NCAM1: variants seen among roughly 807,000 people sequenced by gnomAD.
The protein encoded by NCAM1 is neural cell adhesion molecule 1, also known as antigen recognized by monoclonal antibody 5.1H11.
Under a neutral mutation model 109.8 loss-of-function variants are expected in NCAM1, and 14 were observed. The observed-to-expected ratio is 0.13, with a 90% confidence interval of 0.08 to 0.20. NCAM1 has a LOEUF of 0.20. Among genes scored for constraint, NCAM1 ranks in the 10% least tolerant of loss-of-function variants. The pLI, the probability that NCAM1 is intolerant of heterozygous loss-of-function variation, is 1.00. For missense variants in NCAM1, 774 were observed against 1,109.9 expected (o/e 0.70, Z 4.30); for synonymous variants, 418 against 442.9 (o/e 0.94, Z 0.70).
At chr11:113,050,141 G>T (rs1330128280) in intron 1 of NCAM1, among the ~76,000 whole-genome samples, 5 of 138,918 alleles carry the variant, frequency 3.6e-5, no homozygotes, top group Admixed American at 1.4e-4. Context: ...AACAGAGGGT[G>T]GGGGGGAATG....
intron 17 of NCAM1, among the ~76,000 whole-genome samples, chr11:113,268,981 C>A (rs1354378870): frequency 2.0e-5 from 3 of 152,188 alleles, no homozygotes; most frequent in Admixed American, 2.0e-4. Flanking sequence ...TGGGGCAGGG[C>A]TGCCAGTTAT....
chr11:113,216,192 A>G (rs1591426944), intron 8 of NCAM1, among the ~76,000 whole-genome samples: 1 of 122,458 alleles, frequency 8.2e-6, no homozygotes, highest in African/African-American at 3.3e-5. Flanking sequence ...GCTGTCGCCC[A>G]GGCTGGAGTG....
intron 1 of NCAM1, among the ~76,000 whole-genome samples, chr11:113,088,825 A>C (rs1229776389): frequency 2.0e-5 from 3 of 152,186 alleles, no homozygotes; most frequent in African/African-American, 7.2e-5. Flanking sequence ...CATTTTTCAT[A>C]AGTAGATTAT....
intron 1 of NCAM1, among the ~76,000 whole-genome samples, chr11:112,989,603 C>A (rs1951404511): frequency 6.6e-6 from 1 of 152,102 alleles, no homozygotes. Context: ...CTCTTTCAAG[C>A]AGTTATTAGA....
intron 1 of NCAM1, among the ~76,000 whole-genome samples, chr11:113,018,233 A>T (rs895642886): frequency 6.6e-6 from 1 of 152,118 alleles, no homozygotes; most frequent in Non-Finnish European, 1.5e-5. Context: ...ATCATTTTCA[A>T]GTATACAGTC....
chr11:113,253,000 C>T (rs1945731632), intron 15 of NCAM1, among the ~76,000 whole-genome samples: 4 of 151,822 alleles, frequency 2.6e-5, no homozygotes, highest in South Asian at 2.1e-4. Context: ...GAAAATAATA[C>T]ACACATATCA....
At position 112,963,677 on chromosome 11, in the gene NCAM1, G is replaced by C. The variant is rs1950638613; in HGVS notation, c.52+2013G>C. ...GGCGGGGGAAGGGGGGTGTTTTTGA[G>C]ACATCCTCGCCCCCGGGTGGGAGCG... On this transcript the variant is annotated intron_variant, in intron 1 of 19. Transcript: ENST00000316851. This position sits in a 1 kb window ranked among gnomAD's most constrained non-coding sequence, Gnocchi z 4.6. Among the ~76,000 whole-genome samples, 1 of 152,220 alleles carries C rather than the reference G, an allele frequency of 6.6e-6. No individual in the cohort carries two copies. The highest frequency in any genetic ancestry group is 2.1e-4 in the South Asian group (1 of 4,830).
At chr11:113,095,953 A>C (rs929356291) in intron 1 of NCAM1, among the ~76,000 whole-genome samples, 1 of 152,206 alleles carries the variant, frequency 6.6e-6, no homozygotes, top group Non-Finnish European at 1.5e-5. Flanking sequence ...ACGTAAATGG[A>C]ATATCTAGTA....
Position 113,053,162 on chromosome 11 carries a change from G to A in NCAM1, c.52+91498G>A, listed in dbSNP as rs141644244. Among the ~76,000 whole-genome samples, 738 of 152,252 alleles carry A rather than the reference G, an allele frequency of 4.8e-3. 8 individuals carry two copies. Among genetic ancestry groups the A allele is most frequent in the Middle Eastern group, 0.01 (3 of 294 alleles). On this transcript the variant is annotated intron_variant, in intron 1 of 19. Coordinates refer to ENST00000316851, the MANE Select transcript of NCAM1 (RefSeq NM_181351.5). ...TATGAGTGAGAACATGCGGTGTTTG[G>A]TTTTCTGTTCCTGCATTAGTTTGCT...
chr11:113,232,317 T>C lies in NCAM1; in HGVS notation c.1388T>C (p.Ile463Thr). 6.2e-7 allele frequency: 1 copy of C among 1,613,104 alleles called. No individual in the cohort carries two copies. Among genetic ancestry groups the C allele is most frequent in the Non-Finnish European group, 8.5e-7 (1 of 1,179,506 alleles). The change falls in exon 11 of 20, where the codon ATC becomes ACC. Residue 463 changes from isoleucine to threonine, a missense_variant. This residue lies in a region of NCAM1 where 523 missense variants were observed against 784.2 expected (regional missense o/e 0.67). Coordinates refer to ENST00000316851, the MANE Select transcript of NCAM1 (RefSeq NM_181351.5). ...QLLPSSNYSN[I>T]KIYNTPSASY... ...CTGCCAAGCTCCAATTACAGCAATA[T>C]CAAGATCTACAACACCCCCTCTGCC...
chr11:113,121,846 A>G (rs974725090), intron 1 of NCAM1, among the ~76,000 whole-genome samples: 4 of 152,174 alleles, frequency 2.6e-5, no homozygotes, highest in African/African-American at 9.7e-5. Flanking sequence ...CTTTTTCTCT[A>G]CAAGCAACTA....
chr11:113,178,160 C>G (rs923316204), intron 1 of NCAM1, among the ~76,000 whole-genome samples: 1 of 152,080 alleles, frequency 6.6e-6, no homozygotes, highest in Non-Finnish European at 1.5e-5. Flanking sequence ...CCCCATTCTC[C>G]GGGTGCTTCC....
intron 1 of NCAM1, among the ~76,000 whole-genome samples, chr11:112,997,269 T>C (rs1269635194): frequency 6.6e-6 from 1 of 152,132 alleles, no homozygotes. Context: ...AAAGGCTACT[T>C]TATTTCCACC....
At chr11:113,263,949 G>T (rs1565537913) in intron 17 of NCAM1, 1 of 985,456 alleles carries the variant, frequency 1.0e-6, no homozygotes, top group South Asian at 4.7e-5. Context: ...CTCTGTATTG[G>T]TGCGTTGGTT....
At chr11:113,046,055 G>A (rs1168693867) in intron 1 of NCAM1, among the ~76,000 whole-genome samples, 1 of 152,138 alleles carries the variant, frequency 6.6e-6, no homozygotes, top group Non-Finnish European at 1.5e-5. Context: ...AATAACATGG[G>A]AGAGACAGCA....
intron 8 of NCAM1, among the ~76,000 whole-genome samples, chr11:113,219,922 A>G (rs1427455783): frequency 6.6e-6 from 1 of 152,176 alleles, no homozygotes; most frequent in Non-Finnish European, 1.5e-5. Context: ...TTCCCACATC[A>G]TGTGACATAA....
chr11:113,035,535 G>T (rs1952847412), intron 1 of NCAM1, among the ~76,000 whole-genome samples: 1 of 152,126 alleles, frequency 6.6e-6, no homozygotes, highest in African/African-American at 2.4e-5. Context: ...CTGGGGAAAT[G>T]TATTGTTCTT....
At chr11:113,234,077 C>T (rs1945090461) in intron 13 of NCAM1, among the ~76,000 whole-genome samples, 1 of 151,938 alleles carries the variant, frequency 6.6e-6, no homozygotes, top group Non-Finnish European at 1.5e-5. Flanking sequence ...AGAATTAGTT[C>T]TGCCAGAAAG....
intron 1 of NCAM1, among the ~76,000 whole-genome samples, chr11:113,054,475 G>A (rs566494536): frequency 6.6e-6 from 1 of 152,166 alleles, no homozygotes; most frequent in African/African-American, 2.4e-5. Flanking sequence ...GAATCCTCTG[G>A]GTGCAATTGA....
Sources: allele counts gnomAD v4.1 joint callset (sites outside exome capture counted in the v4.1 genomes callset), GRCh38; gene constraint gnomAD v4.1.1; regional missense constraint gnomAD v4.1.1; non-coding constraint Gnocchi (gnomAD v3.1); transcripts MANE v1.5; gene names NCBI Gene and HGNC (gene_info 2026-07-23, HGNC 2026-07-21).